The following SPR variants were observed in gnomAD, a reference collection of about 807,000 sequenced individuals.
SPR encodes the protein Sepiapterin reductase (L-erythro-7,8-dihydrobiopterin forming).
Under a neutral mutation model 16.0 loss-of-function variants are expected in SPR, and 12 were observed. The observed-to-expected ratio is 0.75, with a 90% CI of 0.48 to 1.22. SPR has a LOEUF of 1.22. SPR is among the 50% of genes most tolerant of loss of function. SPR has a pLI of 0.00. For synonymous variants in SPR, 177 were observed against 168.5 expected (o/e 1.05, Z -0.39); for missense variants, 324 against 344.4 (o/e 0.94, Z 0.47).
chr2:72,888,349 C>G lies in SPR; in HGVS notation c.340C>G (p.Leu114Val), dbSNP rs747353157. Residue 114 changes from leucine to valine, a missense_variant, in exon 2 of 3, where the codon CTG (leucine) becomes GTG (valine). Physicochemically the swap from Leu to Val is conservative, Grantham distance 32 (BLOSUM62 1). Transcript: ENST00000234454. ...LGDVSKGFVD[L>V]SDSTQVNNYW... is the part of the protein sequence containing the mutation. ...GGATGTGTCCAAAGGCTTCGTGGAC[C>G]TGAGTGACTCCACTCAAGTGAACAA... 8 of 1,614,172 alleles carry G rather than the reference C, an allele frequency of 5.0e-6. No homozygotes were observed. Among genetic ancestry groups the G allele is most frequent in the Non-Finnish European group, 6.8e-6 (8 of 1,180,020 alleles).
At chr2:72,890,127 G>A (rs1039173542) in intron 2 of SPR, among the ~76,000 whole-genome samples, 4 of 152,212 alleles carry the variant, frequency 2.6e-5, no homozygotes, top group Non-Finnish European at 5.9e-5. Context: ...ACTGGACATT[G>A]ACCTTGGTTG....
In SPR at chr2:72,891,741, C is replaced by T. The variant is rs1670625223; in HGVS notation, c.*204C>T. ...GTTGTCAGGAGTCTGTGCTGTGCAC[C>T]CTGGGTTATAAGGAGGCTTAGGAGA... On this transcript the variant is annotated 3_prime_UTR_variant, in exon 3 of 3. Transcript: ENST00000234454. 2 of 642,172 alleles carry T rather than the reference C, an allele frequency of 3.1e-6. No homozygotes were observed. Among genetic ancestry groups the T allele is most frequent in the African/African-American group, 1.8e-5 (1 of 55,040 alleles). 39.8% of individuals were successfully genotyped at this position (642,172 alleles called of 1,614,324 possible).
At chr2:72,888,737 C>T (rs1222674253) in intron 2 of SPR, 133 bp downstream of exon 2, 2 of 1,015,518 alleles carry the variant, frequency 2.0e-6, no homozygotes, top group Non-Finnish European at 2.8e-6. Flanking sequence ...GACCCATCAC[C>T]CCTTAGGGGA....
At chr2:72,888,926 C>T (rs969048475) in intron 2 of SPR, among the ~76,000 whole-genome samples, 1 of 152,220 alleles carries the variant, frequency 6.6e-6, no homozygotes, top group African/African-American at 2.4e-5. Flanking sequence ...CTCCCTGCCT[C>T]ACAGGGCACT....
At chr2:72,888,217 G>A in intron 1 of SPR, 97 bp from the exon 2 acceptor site, 1 of 1,243,486 alleles carries the variant, frequency 8.0e-7, no homozygotes, top group Non-Finnish European at 1.2e-6. Context: ...CCTCCTCTAG[G>A]TCTGCATGGG....
chr2:72,887,596 G>A lies in SPR; in HGVS notation c.164G>A (p.Gly55Asp). 7.1e-7 allele frequency: 1 copy of A among 1,401,194 alleles called. No homozygotes were observed. The highest frequency in any genetic ancestry group is 1.6e-5 in the South Asian group (1 of 62,712). The allele number at this position is 1,401,194 out of a possible 1,614,324, so 86.8% of individuals were successfully genotyped here. A position where few individuals can be genotyped will look rare whatever the true frequency, so the allele number is the denominator to read the frequency against. ...CTGCGCCAGCTGGAGGCCGAGCTGGGCGCCGAGCGGTCTGGCCTGCGCGTG... is the reference window on the plus strand; with the variant it reads ...CTGCGCCAGCTGGAGGCCGAGCTGGACGCCGAGCGGTCTGGCCTGCGCGTG... ...EALRQLEAEL[G>D]AERSGLRVVR... Residue 55 changes from glycine to aspartate, a missense_variant, in exon 1 of 3, where the codon GGC becomes GAC. Physicochemically the swap from Gly to Asp is moderately conservative, Grantham distance 94. Coordinates refer to ENST00000234454, the MANE Select transcript of SPR (RefSeq NM_003124.5).
In SPR at chr2:72,887,475, G is replaced by T; in HGVS notation, c.43G>T (p.Ala15Ser). 2.0e-6 allele frequency: 3 copies of T among 1,505,980 alleles called. No individual in the cohort carries two copies. Among genetic ancestry groups the T allele is most frequent in the Non-Finnish European group, 2.6e-6 (3 of 1,133,334 alleles). The allele number at this position is 1,505,980 out of a possible 1,614,324, so 93.3% of individuals were successfully genotyped here. ...GCGTGCTGTGTGCTTGCTGACCGGGGCCTCCCGCGGCTTCGGCCGGACGCT... is the reference window on the plus strand; with the variant it reads ...GCGTGCTGTGTGCTTGCTGACCGGGTCCTCCCGCGGCTTCGGCCGGACGCT... Reference protein sequence around the residue: ...LGRAVCLLTGASRGFGRTLAP... With the variant: ...LGRAVCLLTGSSRGFGRTLAP... The change falls in exon 1 of 3, where the codon GCC (alanine) becomes TCC (serine). Residue 15 changes from alanine to serine, a missense_variant. By Grantham distance (99) the Ala-to-Ser change is moderately conservative. Coordinates refer to ENST00000234454, the MANE Select transcript of SPR (RefSeq NM_003124.5).
At chr2:72,891,183 A>T (rs1317940575) in intron 2 of SPR, among the ~76,000 whole-genome samples, 164 bp from the exon 3 acceptor site, 2 of 152,134 alleles carry the variant, frequency 1.3e-5, no homozygotes, top group Non-Finnish European at 2.9e-5. Flanking sequence ...CTTGATGGTG[A>T]CAAATTGGAG....
At chr2:72,887,780 C>G in intron 1 of SPR, 44 bp downstream of exon 1, 1 of 1,455,870 alleles carries the variant, frequency 6.9e-7, no homozygotes, top group Non-Finnish European at 9.0e-7. Context: ...TGAGCGCCCA[C>G]TTCCTCCACC....
chr2:72,888,739 C>T (rs1267591576), intron 2 of SPR, 135 bp downstream of exon 2: 1 of 1,010,646 alleles, frequency 9.9e-7, no homozygotes, highest in African/African-American at 1.6e-5. Flanking sequence ...CCCATCACCC[C>T]TTAGGGGAAA....
chr2:72,890,827 G>A (rs1670609511), intron 2 of SPR, among the ~76,000 whole-genome samples: 1 of 152,206 alleles, frequency 6.6e-6, no homozygotes, highest in South Asian at 2.1e-4. Context: ...GGGGTTGCAG[G>A]TGTGAGCCAC....
At chr2:72,887,990 C>G (rs1293927221) in intron 1 of SPR, among the ~76,000 whole-genome samples, 1 of 152,226 alleles carries the variant, frequency 6.6e-6, no homozygotes, top group Non-Finnish European at 1.5e-5. Context: ...TCCCGAGCCC[C>G]TTGCTCTGCG....
chr2:72,887,563 A>G lies in SPR; in HGVS notation c.131A>G (p.Asp44Gly). The part of the protein sequence containing the change: ...GSVLVLSARN[D>G]EALRQLEAEL... ...GTGCTTGTCCTTAGCGCCCGCAACG[A>G]CGAGGCACTGCGCCAGCTGGAGGCC... Residue 44 changes from aspartate to glycine, a missense_variant, in exon 1 of 3, where the codon GAC becomes GGC. Transcript: ENST00000234454. The G allele has an allele frequency of 6.9e-7, 1 of 1,449,474 alleles. No homozygotes were observed. Among genetic ancestry groups the G allele is most frequent in the East Asian group, 3.0e-5 (1 of 33,488 alleles). The allele number at this position is 1,449,474 out of a possible 1,614,324, so 89.8% of individuals were successfully genotyped here. A position where few individuals can be genotyped will look rare whatever the true frequency, so the allele number is the denominator to read the frequency against.
At position 72,891,918 on chromosome 2, in the gene SPR, A is replaced by T. The variant is rs1670627895; in HGVS notation, c.*381A>T. 3.6e-6 allele frequency: 1 copy of T among 281,548 alleles called. No homozygotes were observed. The highest frequency in any genetic ancestry group is 2.2e-5 in the African/African-American group (1 of 46,412). The allele number at this position is 281,548 out of a possible 1,614,324, so 17.4% of individuals were successfully genotyped here. ...AGGAAAGAGTGATCTGGTGTCGAAT[A>T]GGAGGACCCATGTAGATTCGCAGAT... is the stretch of plus-strand genomic sequence containing the variant. On this transcript the variant is annotated 3_prime_UTR_variant, in exon 3 of 3. Transcript: ENST00000234454.
intron 2 of SPR, among the ~76,000 whole-genome samples, chr2:72,890,198 G>A (rs893509607): frequency 3.9e-5 from 6 of 152,220 alleles, no homozygotes; most frequent in Admixed American, 2.6e-4. Context: ...CACTGTGGGC[G>A]TGGCAGGTCT....
chr2:72,891,444 G>T lies in SPR; in HGVS notation c.693G>T (p.Leu231=). 6.2e-7 allele frequency: 1 copy of T among 1,614,256 alleles called. No individual in the cohort carries two copies. Among genetic ancestry groups the T allele is most frequent in the Non-Finnish European group, 8.5e-7 (1 of 1,180,050 alleles). ...GLQELKAKGK[L]VDCKVSAQKL... The stretch of plus-strand genomic sequence containing the variant: ...AGGAGCTGAAGGCAAAGGGGAAGCT[G>T]GTGGATTGCAAGGTGTCAGCCCAGA... Residue 231 remains leucine (L), a synonymous_variant, in exon 3 of 3, where the codon CTG becomes CTT. Transcript: ENST00000234454.
intron 1 of SPR, 26 bp from the exon 2 acceptor site, chr2:72,888,288 G>C: frequency 6.2e-7 from 1 of 1,613,794 alleles, no homozygotes; most frequent in South Asian, 1.1e-5. Flanking sequence ...CCTGCACTGA[G>C]TTACTCCTAA....
intron 2 of SPR, among the ~76,000 whole-genome samples, chr2:72,890,176 G>A (rs1052334061): frequency 2.6e-5 from 4 of 152,324 alleles, no homozygotes; most frequent in South Asian, 2.1e-4. Flanking sequence ...AGGAAATAAA[G>A]GTGCGAAGGC....
Position 72,891,618 on chromosome 2 carries a change from C to T in SPR, c.*81C>T. On this transcript the variant is annotated 3_prime_UTR_variant, in exon 3 of 3. Coordinates refer to ENST00000234454, the MANE Select transcript of SPR (RefSeq NM_003124.5). ...AGCCCTGTGGCTCCCCACACCCTGC[C>T]ATAGGGGCAGTCCTGCCTTACACAT... The T allele has an allele frequency of 1.3e-6, 2 of 1,518,036 alleles. No homozygotes were observed. 94.0% of individuals were successfully genotyped at this position (1,518,036 alleles called of 1,614,324 possible). A position where few individuals can be genotyped will look rare whatever the true frequency, so the allele number is the denominator to read the frequency against.
Sources: gnomAD v4.1 joint callset for allele counts (sites outside exome capture counted in the v4.1 genomes callset) on GRCh38, gnomAD v4.1.1 for gene constraint, MANE v1.5 for transcripts, NCBI Gene and HGNC (gene_info 2026-07-23, HGNC 2026-07-21) for gene names.